The following CSMD2 variants were observed in gnomAD, a reference collection of about 807,000 sequenced individuals.
The protein encoded by CSMD2 is CUB and sushi domain-containing protein 2.
In CSMD2, 130 loss-of-function variants were observed where a neutral mutation model predicts 398.5. The observed-to-expected ratio is 0.33, with a 90% CI of 0.28 to 0.38. The LOEUF (loss-of-function observed/expected upper bound fraction) is 0.38, where lower values mean the gene tolerates loss of function less well. Ranked by LOEUF, CSMD2 falls within the 10% of genes least tolerant of loss-of-function variation. The probability of loss-of-function intolerance (pLI) is 1.00; values close to 1 mark genes in which losing one functional copy is unlikely to be tolerated. For missense variants in CSMD2, 3,829 were observed against 4,764.9 expected (o/e 0.80, Z 5.78); for synonymous variants, 1,828 against 1,908.5 (o/e 0.96, Z 1.10).
intron 56 of CSMD2, among the ~76,000 whole-genome samples, chr1:33,547,078 C>A (rs1396479625): frequency 6.6e-6 from 1 of 152,160 alleles, no homozygotes; most frequent in Non-Finnish European, 1.5e-5. Flanking sequence ...TCCCTACTCA[C>A]AAATTATGCC....
intron 60 of CSMD2, among the ~76,000 whole-genome samples, chr1:33,538,914 T>C (rs1212699078): frequency 6.6e-6 from 1 of 152,138 alleles, no homozygotes; most frequent in African/African-American, 2.4e-5. Flanking sequence ...AAGGGAGGCA[T>C]GACTGCCCTC....
At chr1:33,817,711 T>G (rs1657633246) in intron 9 of CSMD2, among the ~76,000 whole-genome samples, 1 of 152,244 alleles carries the variant, frequency 6.6e-6, no homozygotes, top group Non-Finnish European at 1.5e-5. Flanking sequence ...CTGCCTCATC[T>G]AGTCCTCAAA....
At chr1:33,782,714 A>G (rs184756465) in intron 12 of CSMD2, among the ~76,000 whole-genome samples, 2 of 152,340 alleles carry the variant, frequency 1.3e-5, no homozygotes, top group East Asian at 3.9e-4. Context: ...TTTTCTGAGC[A>G]TGTGTCCTGT....
At chr1:33,793,600 G>T (rs1451854590) in intron 10 of CSMD2, among the ~76,000 whole-genome samples, 2 of 152,188 alleles carry the variant, frequency 1.3e-5, no homozygotes, top group African/African-American at 4.8e-5. Flanking sequence ...TTATGCCAGG[G>T]GAGGAGCAGT....
At chr1:33,658,994 C>T (rs1231688356) in intron 26 of CSMD2, among the ~76,000 whole-genome samples, 1 of 152,224 alleles carries the variant, frequency 6.6e-6, no homozygotes, top group African/African-American at 2.4e-5. Context: ...AGGTCAAGAT[C>T]ATGCTCTCTC....
At chr1:34,126,806 G>GGGA (rs1481688881) in intron 1 of CSMD2, among the ~76,000 whole-genome samples, 5 of 127,086 alleles carry the variant, frequency 3.9e-5, no homozygotes, top group Admixed American at 1.6e-4. Flanking sequence ...GAGACATAGG[G>GGGA]GAGAGAGAGA....
chr1:33,623,244 A>C, intron 36 of CSMD2, 126 bp downstream of exon 36: 1 of 701,648 alleles, frequency 1.4e-6, no homozygotes, highest in Non-Finnish European at 2.4e-6. Context: ...TGATGTGTCC[A>C]CTTGAAAATG....
At chr1:33,713,080 G>A (rs1175742931) in intron 21 of CSMD2, among the ~76,000 whole-genome samples, 1 of 152,210 alleles carries the variant, frequency 6.6e-6, no homozygotes, top group African/African-American at 2.4e-5. Flanking sequence ...TGTCATCTAA[G>A]GTAGAGTAAA....
At chr1:33,916,932 C>T (rs1643752318) in intron 5 of CSMD2, among the ~76,000 whole-genome samples, 1 of 152,106 alleles carries the variant, frequency 6.6e-6, no homozygotes, top group South Asian at 2.1e-4. Context: ...CCCCATTCCC[C>T]TCCTTTTCTC....
Position 34,165,044 on chromosome 1 carries a change from C to T in CSMD2, c.54G>A (p.Arg18=), listed in dbSNP as rs1319123659. ...CCGAAATCCCGGTTTCGCCGCGAGCCCTCCCCGCGGGGCAGCCGCAGCGCC... is the reference window on the plus strand; with the variant it reads ...CCGAAATCCCGGTTTCGCCGCGAGCTCTCCCCGCGGGGCAGCCGCAGCGCC... The part of the protein sequence containing the change: ...ELGRCGCPAG[R]ARGETGISAL... Residue 18 remains arginine (R), a synonymous_variant, in exon 1 of 71, where the codon AGG becomes AGA. Transcript: ENST00000373381. 19 of 1,214,294 alleles carry T rather than the reference C, an allele frequency of 1.6e-5. No individual in the cohort carries two copies. Among genetic ancestry groups the T allele is most frequent in the Non-Finnish European group, 1.1e-5 (11 of 976,814 alleles). 75.2% of individuals were successfully genotyped at this position (1,214,294 alleles called of 1,614,324 possible).
At chr1:33,520,746 A>T (rs1378005147) in intron 68 of CSMD2, among the ~76,000 whole-genome samples, 1 of 152,208 alleles carries the variant, frequency 6.6e-6, no homozygotes, top group Admixed American at 6.5e-5. Flanking sequence ...CATGGAGTGG[A>T]CTGCCTTGGC....
At chr1:33,823,387 C>T (rs553901277) in intron 7 of CSMD2, among the ~76,000 whole-genome samples, 46 of 70,728 alleles carry the variant, frequency 6.5e-4, no homozygotes, top group East Asian at 1.4e-3. Flanking sequence ...AGTGTTTCTC[C>T]CTTTCTTTTT....
At chr1:34,086,470 T>G (rs1657902825) in intron 2 of CSMD2, among the ~76,000 whole-genome samples, 1 of 152,214 alleles carries the variant, frequency 6.6e-6, no homozygotes, top group African/African-American at 2.4e-5. Flanking sequence ...AGGGCCAAAC[T>G]GAATCTTAAC....
At chr1:34,113,108 C>T (rs1056554411) in intron 1 of CSMD2, 2 of 152,172 alleles carry the variant, frequency 1.3e-5, no homozygotes, top group African/African-American at 4.8e-5. Context: ...GAGCTAAGCT[C>T]TACTCCTGGC....
At chr1:34,122,028 T>C (rs1476965824) in intron 1 of CSMD2, among the ~76,000 whole-genome samples, 2 of 150,466 alleles carry the variant, frequency 1.3e-5, no homozygotes, top group African/African-American at 4.9e-5. Context: ...TGACTTCCAC[T>C]TTTCATCTCT....
At chr1:33,867,223 A>C (rs1640105748) in intron 5 of CSMD2, among the ~76,000 whole-genome samples, 1 of 152,256 alleles carries the variant, frequency 6.6e-6, no homozygotes, top group Admixed American at 6.5e-5. Context: ...CCCATGTGGC[A>C]AGGAATGACA....
chr1:34,066,062 C>T (rs1172978561), intron 2 of CSMD2, among the ~76,000 whole-genome samples: 1 of 152,174 alleles, frequency 6.6e-6, no homozygotes, highest in Non-Finnish European at 1.5e-5. Flanking sequence ...TCCCTCCCTT[C>T]CTTCAGTTCA....
At chr1:33,745,475 C>T (rs1647272908) in intron 13 of CSMD2, among the ~76,000 whole-genome samples, 1 of 152,068 alleles carries the variant, frequency 6.6e-6, no homozygotes, top group South Asian at 2.1e-4. Context: ...AAATATTTGA[C>T]TTACTAAAGG....
intron 3 of CSMD2, among the ~76,000 whole-genome samples, chr1:34,031,765 C>CAAAAAAAAAAAAAAA (rs556094322): frequency 5.6e-5 from 4 of 71,258 alleles, no homozygotes; most frequent in Non-Finnish European, 7.8e-5. Flanking sequence ...AAGGCAAAGG[C>CAAAAAAAAAAAAAAA]AAAAAAAAAA....
Sources: allele counts gnomAD v4.1 joint callset (sites outside exome capture counted in the v4.1 genomes callset), GRCh38; gene constraint gnomAD v4.1.1; transcripts MANE v1.5; gene names NCBI Gene and HGNC (gene_info 2026-07-23, HGNC 2026-07-21).